The following CREB1 variants were observed in gnomAD, a reference collection of about 807,000 sequenced individuals.
CREB1 encodes cyclic AMP-responsive element-binding protein 1.
A neutral mutation model predicts 42.0 loss-of-function variants in CREB1; 2 were observed. The observed-to-expected ratio is 0.05, with a 90% CI of 0.02 to 0.15. The LOEUF (loss-of-function observed/expected upper bound fraction) is 0.15. Among genes scored for constraint, CREB1 ranks in the 10% least tolerant of loss-of-function variants. CREB1 has a pLI of 1.00. For missense variants in CREB1, 199 were observed against 388.9 expected, an observed-to-expected ratio of 0.51 and a Z score of 4.11; for synonymous variants, 123 against 139.9, an observed-to-expected ratio of 0.88 and a Z score of 0.85.
At chr2:207,575,502 A>G (rs1242312654) in intron 6 of CREB1, 48 bp downstream of exon 6, 2 of 1,470,140 alleles carry the variant, frequency 1.4e-6, no homozygotes, top group South Asian at 1.4e-5. Context: ...TCAAAATACT[A>G]AAATTTTATA....
intron 4 of CREB1, among the ~76,000 whole-genome samples, chr2:207,568,910 A>G (rs902491496): frequency 3.9e-5 from 6 of 152,268 alleles, no homozygotes; most frequent in Admixed American, 1.3e-4. Flanking sequence ...AAGTATACTC[A>G]GTAGTGCCTC....
intron 1 of CREB1, among the ~76,000 whole-genome samples, chr2:207,552,102 G>C (rs996589022): frequency 1.3e-4 from 19 of 150,066 alleles, no homozygotes; most frequent in African/African-American, 4.4e-4. Context: ...AAAAGGATTG[G>C]TAGGCTGCTT....
At chr2:207,555,846 G>A (rs2106455643) in intron 2 of CREB1, 97 bp downstream of exon 2, 1 of 694,048 alleles carries the variant, frequency 1.4e-6, no homozygotes, top group East Asian at 2.7e-5. Flanking sequence ...TACATAGAAT[G>A]AGCAGAGATA....
intron 6 of CREB1, chr2:207,577,174 C>G: frequency 9.4e-7 from 1 of 1,060,496 alleles, no homozygotes; most frequent in Non-Finnish European, 1.1e-6. Context: ...GGACTATACT[C>G]TATCTAGGAA....
At chr2:207,586,974 G>C (rs1020718219) in intron 7 of CREB1, among the ~76,000 whole-genome samples, 1 of 152,182 alleles carries the variant, frequency 6.6e-6, no homozygotes, top group Non-Finnish European at 1.5e-5. Flanking sequence ...AAAAAGACAA[G>C]AAGTAAACAC....
At chr2:207,541,297 A>G (rs1346979764) in intron 1 of CREB1, among the ~76,000 whole-genome samples, 1 of 152,116 alleles carries the variant, frequency 6.6e-6, no homozygotes, top group Non-Finnish European at 1.5e-5. Flanking sequence ...AGGCCTTCAC[A>G]TTTCTCACAC....
Position 207,597,580 on chromosome 2 carries a change from TA to T in CREB1, c.*528del. ...TAAAGTTGTTAAGAGACATACCCTC[TA>T]AAAAAGAACTTTAGCATGGTATTGA... On this transcript the variant is annotated 3_prime_UTR_variant, in exon 8 of 8. Transcript: ENST00000353267. 1 of 209,326 alleles carries T rather than the reference TA, an allele frequency of 4.8e-6. No homozygotes were observed. Among genetic ancestry groups the T allele is most frequent in the Non-Finnish European group, 9.7e-6 (1 of 102,740 alleles). The allele number at this position is 209,326 out of a possible 1,614,324, so 13.0% of individuals were successfully genotyped here. A position where few individuals can be genotyped will look rare whatever the true frequency, so the allele number is the denominator to read the frequency against.
chr2:207,559,413 T>C (rs575933911), intron 2 of CREB1, among the ~76,000 whole-genome samples: 1 of 152,316 alleles, frequency 6.6e-6, no homozygotes, highest in South Asian at 2.1e-4. Context: ...TTGTGTCTCT[T>C]TTCCCCATTC....
intron 1 of CREB1, among the ~76,000 whole-genome samples, chr2:207,545,565 T>G (rs1559269519): frequency 6.6e-6 from 1 of 151,708 alleles, no homozygotes; most frequent in Non-Finnish European, 1.5e-5. Flanking sequence ...ATGGGACTAC[T>G]ACTATGTAGT....
At chr2:207,589,699 G>C (rs1021834305) in intron 7 of CREB1, among the ~76,000 whole-genome samples, 3 of 152,138 alleles carry the variant, frequency 2.0e-5, no homozygotes, top group Non-Finnish European at 4.4e-5. Context: ...TGCTTTTCCA[G>C]AATCTACTGA....
At position 207,538,783 on chromosome 2, in the gene CREB1, T is replaced by C. The variant is rs922630388; in HGVS notation, c.-9+8649T>C. Among the ~76,000 whole-genome samples, 3 of 152,260 alleles carry C rather than the reference T, an allele frequency of 2.0e-5. No individual in the cohort carries two copies. In the South Asian group the frequency reaches 6.2e-4, roughly 31 times the overall value. ...TTCCCAAAGGTTAGTGCATCTTCTC[T>C]GAAATGAAGACGTTTCTTTCATCAA... On this transcript the variant is annotated intron_variant, in intron 1 of 7. Coordinates refer to ENST00000353267, the MANE Select transcript of CREB1 (RefSeq NM_004379.5).
chr2:207,576,241 C>CTTTTTTTTTTTTTTTTTGGT (rs2082588982), intron 6 of CREB1, among the ~76,000 whole-genome samples: 3 of 101,068 alleles, frequency 3.0e-5, no homozygotes, highest in Non-Finnish European at 3.8e-5. Flanking sequence ...CTTTTTTTGG[C>CTTTTTTTTTTTTTTTTTGGT]TTTTTTTTTT....
At chr2:207,572,220 C>T (rs1412900762) in intron 5 of CREB1, among the ~76,000 whole-genome samples, 3 of 119,094 alleles carry the variant, frequency 2.5e-5, no homozygotes, top group Non-Finnish European at 3.6e-5. Flanking sequence ...AGCAAGATTC[C>T]GTCTCAAAAA....
intron 4 of CREB1, chr2:207,568,241 GT>G (rs1163839534): frequency 1.3e-5 from 2 of 151,888 alleles, no homozygotes; most frequent in Admixed American, 6.6e-5. Context: ...CAAAGGGATG[GT>G]TTTTTCCCCC....
chr2:207,531,922 A>T (rs567767551), intron 1 of CREB1, among the ~76,000 whole-genome samples: 17 of 152,376 alleles, frequency 1.1e-4, no homozygotes, highest in Admixed American at 1.1e-3. Flanking sequence ...GAGGCAATAA[A>T]GGCAGGTTTT....
chr2:207,578,767 A>G (rs2082698597), intron 7 of CREB1, among the ~76,000 whole-genome samples: 1 of 152,120 alleles, frequency 6.6e-6, no homozygotes, highest in East Asian at 1.9e-4. Context: ...GATATTAGAA[A>G]AAGAGTTGGA....
intron 6 of CREB1, among the ~76,000 whole-genome samples, chr2:207,576,241 C>CTTTTTTTTTTTTTTTTTTTGTTTTTT (rs35735523): frequency 2.0e-5 from 2 of 101,068 alleles, no homozygotes; most frequent in Non-Finnish European, 3.8e-5. Context: ...CTTTTTTTGG[C>CTTTTTTTTTTTTTTTTTTTGTTTTTT]TTTTTTTTTT....
intron 7 of CREB1, among the ~76,000 whole-genome samples, chr2:207,587,335 G>A (rs921991254): frequency 2.0e-5 from 3 of 151,216 alleles, no homozygotes; most frequent in South Asian, 4.2e-4. Flanking sequence ...AGAGCTTGCA[G>A]TGAGCCGAGA....
intron 1 of CREB1, among the ~76,000 whole-genome samples, chr2:207,534,913 A>G (rs900009609): frequency 2.0e-5 from 3 of 152,172 alleles, no homozygotes; most frequent in African/African-American, 7.2e-5. Flanking sequence ...TACTAGGTAT[A>G]CGCTCTCCTA....
Sources: gnomAD v4.1 joint callset for allele counts (sites outside exome capture counted in the v4.1 genomes callset) on GRCh38, gnomAD v4.1.1 for gene constraint, MANE v1.5 for transcripts, NCBI Gene and HGNC (gene_info 2026-07-23, HGNC 2026-07-21) for gene names.